The following PACRG variants were observed in gnomAD, a reference collection of about 807,000 sequenced individuals.
The protein encoded by PACRG is parkin coregulated, also known as parkin coregulated gene protein.
Under a neutral mutation model 29.7 loss-of-function variants are expected in PACRG, and 29 were observed. The ratio of observed to expected loss-of-function variants is 0.98; its 90% CI spans 0.73 to 1.33. PACRG has a LOEUF of 1.33. PACRG is among the 40% of genes most tolerant of loss of function. The pLI, the probability that PACRG is intolerant of heterozygous loss-of-function variation, is 0.00. For missense variants in PACRG, 279 were observed against 316.2 expected, an observed-to-expected ratio of 0.88 and a Z score of 0.89; for synonymous variants, 116 against 118.7, an observed-to-expected ratio of 0.98 and a Z score of 0.15.
At chr6:163,033,633 A>T (rs978217035) in intron 2 of PACRG, among the ~76,000 whole-genome samples, 1 of 152,268 alleles carries the variant, frequency 6.6e-6, no homozygotes, top group Non-Finnish European at 1.5e-5. Context: ...TCTTTCATTT[A>T]TAAACATCAT....
intron 2 of PACRG, among the ~76,000 whole-genome samples, chr6:162,859,628 A>G (rs904517096): frequency 1.3e-5 from 2 of 152,142 alleles, no homozygotes; most frequent in Non-Finnish European, 2.9e-5. Flanking sequence ...TAGAAAGGCC[A>G]CTTTCTGACC....
intron 2 of PACRG, among the ~76,000 whole-genome samples, chr6:162,933,599 A>ATTT (rs1412640418): frequency 1.7e-4 from 13 of 74,852 alleles, no homozygotes; most frequent in African/African-American, 5.6e-4. Flanking sequence ...GACTTTCTGT[A>ATTT]TCTTTTTTTT....
rs117389661 is a variant in PACRG, at chr6:162,962,216, C to T, written c.292-99934C>T. ...CTGTACCAGGTTAGGGATTTTTGTC[C>T]ATCTCTATGCCTAATGCCCTTTACC... On this transcript the variant is annotated intron_variant, in intron 2 of 4. Transcript: ENST00000366888. 8.5e-5 allele frequency among the ~76,000 whole-genome samples: 13 copies of T among 152,250 alleles called. No homozygotes were observed. In the East Asian group the frequency reaches 2.3e-3, roughly 27 times the overall value.
intron 4 of PACRG, among the ~76,000 whole-genome samples, chr6:163,186,117 C>T (rs1175907859): frequency 1.3e-5 from 2 of 152,190 alleles, no homozygotes; most frequent in Admixed American, 6.5e-5. Flanking sequence ...GCAGGCACTG[C>T]CCCCTTATAG....
chr6:162,915,438 T>C (rs546146388), intron 2 of PACRG, among the ~76,000 whole-genome samples: 1 of 152,178 alleles, frequency 6.6e-6, no homozygotes, highest in South Asian at 2.1e-4. Flanking sequence ...CTTGTAAGCA[T>C]AATAAAAAAC....
chr6:163,133,401 G>A (rs1198438797), intron 4 of PACRG, among the ~76,000 whole-genome samples: 1 of 151,462 alleles, frequency 6.6e-6, no homozygotes, highest in Non-Finnish European at 1.5e-5. Context: ...TATCATGGAA[G>A]AGAAGAATAA....
intron 2 of PACRG, among the ~76,000 whole-genome samples, chr6:162,855,525 A>G (rs1441633757): frequency 6.6e-6 from 1 of 152,224 alleles, no homozygotes; most frequent in Admixed American, 6.5e-5. Flanking sequence ...GAAAGAAGAA[A>G]TACAGAGTGA....
chr6:163,152,558 C>T (rs1778143063), intron 4 of PACRG, among the ~76,000 whole-genome samples: 1 of 152,188 alleles, frequency 6.6e-6, no homozygotes, highest in Non-Finnish European at 1.5e-5. Flanking sequence ...ATAGGAAGGA[C>T]CTCAATGTAT....
chr6:163,091,388 A>G (rs571149677), intron 4 of PACRG, among the ~76,000 whole-genome samples: 6 of 152,356 alleles, frequency 3.9e-5, no homozygotes, highest in African/African-American at 1.4e-4. Context: ...TGACTTTAAG[A>G]ATAAATCCCT....
At chr6:163,277,069 T>C (rs1379545730) in intron 4 of PACRG, among the ~76,000 whole-genome samples, 1 of 152,208 alleles carries the variant, frequency 6.6e-6, no homozygotes, top group Non-Finnish European at 1.5e-5. Context: ...CTTCTCTACC[T>C]CTCACTTTAT....
rs182444170 is a variant in PACRG, at chr6:163,041,219, C to T, written c.292-20931C>T. Among the ~76,000 whole-genome samples, 120 of 152,168 alleles carry T rather than the reference C, an allele frequency of 7.9e-4. No individual in the cohort carries two copies. The Middle Eastern group carries it at 0.02, about 26-fold the overall frequency. On this transcript the variant is annotated intron_variant, in intron 2 of 4. Coordinates refer to ENST00000366888, the MANE Select transcript of PACRG (RefSeq NM_001080379.2). ...GGGCGTGGTGGCGGGCGCCTGTAGT[C>T]CCAGCTACTTGGGAGGGTGAGGCAG...
intron 1 of PACRG, among the ~76,000 whole-genome samples, chr6:162,732,619 A>G (rs767497157): frequency 1.3e-5 from 2 of 152,230 alleles, no homozygotes; most frequent in African/African-American, 2.4e-5. Flanking sequence ...TAATTACAAT[A>G]CAAATAAACA....
At chr6:162,727,620 G>A (rs755930574), upstream of PACRG, 7 of 1,570,114 alleles carry the variant, frequency 4.5e-6, no homozygotes, top group African/African-American at 5.4e-5. Context: ...ACCGGGGCGT[G>A]GGGCGGCGCA....
intron 4 of PACRG, among the ~76,000 whole-genome samples, chr6:163,177,494 A>C (rs1010411632): frequency 6.6e-6 from 1 of 152,084 alleles, no homozygotes; most frequent in Non-Finnish European, 1.5e-5. Context: ...GGAGAGCTAC[A>C]CAAAGGAAAG....
At chr6:162,897,826 G>T (rs1795277967) in intron 2 of PACRG, among the ~76,000 whole-genome samples, 1 of 152,210 alleles carries the variant, frequency 6.6e-6, no homozygotes, top group African/African-American at 2.4e-5. Context: ...CTGCAGAAAG[G>T]GTTTAGCCCT....
chr6:163,076,287 A>G (rs1812533467), intron 3 of PACRG, among the ~76,000 whole-genome samples: 1 of 152,152 alleles, frequency 6.6e-6, no homozygotes, highest in African/African-American at 2.4e-5. Context: ...GAATCTCCCC[A>G]TGTGTGTAAT....
At chr6:162,890,161 GT>G (rs1253789228) in intron 2 of PACRG, among the ~76,000 whole-genome samples, 1 of 152,184 alleles carries the variant, frequency 6.6e-6, no homozygotes, top group Non-Finnish European at 1.5e-5. Context: ...ATGCAGCCTA[GT>G]TTTGAGACTC....
At chr6:163,170,839 C>T (rs1779049219) in intron 4 of PACRG, 1 of 152,258 alleles carries the variant, frequency 6.6e-6, no homozygotes, top group African/African-American at 2.4e-5. Context: ...TTTATTCCCT[C>T]CTTCATTCTC....
At chr6:163,050,692 T>C (rs1486890294) in intron 2 of PACRG, among the ~76,000 whole-genome samples, 1 of 152,246 alleles carries the variant, frequency 6.6e-6, no homozygotes, top group African/African-American at 2.4e-5. Context: ...CTTTTGTTCT[T>C]TGAGCATGTT....
Sources: gnomAD v4.1 joint callset for allele counts (sites outside exome capture counted in the v4.1 genomes callset) on GRCh38, gnomAD v4.1.1 for gene constraint, MANE v1.5 for transcripts, NCBI Gene and HGNC (gene_info 2026-07-23, HGNC 2026-07-21) for gene names.